Variants in UGT1A4 observed in about 807,000 individuals in gnomAD.
UGT1A4 encodes UDP glucuronosyltransferase family 1 member A4, also known as UDP-glucuronosyltransferase 1A4.
In UGT1A4, 32 loss-of-function variants were observed where a neutral mutation model predicts 41.1. That is an observed-to-expected ratio of 0.78 (90% confidence interval 0.59 to 1.05). The LOEUF is 1.05. Among genes scored for constraint, UGT1A4 ranks in the 50% least tolerant of loss-of-function variants. The probability of loss-of-function intolerance (pLI) is 0.00; values close to 1 mark genes in which losing one functional copy is unlikely to be tolerated. For missense variants in UGT1A4, 748 were observed against 677.4 expected, an observed-to-expected ratio of 1.10 and a Z score of -1.16; for synonymous variants, 283 against 265.1, an observed-to-expected ratio of 1.07 and a Z score of -0.66.
rs886183040 is a variant in UGT1A4, at chr2:233,769,751, A to C, written c.1307+1312A>C. 1.1e-5 allele frequency: 16 copies of C among 1,422,712 alleles called. No homozygotes were observed. Among genetic ancestry groups the C allele is most frequent in the Non-Finnish European group, 1.5e-5 (16 of 1,085,126 alleles). 88.1% of individuals were successfully genotyped at this position (1,422,712 alleles called of 1,614,324 possible). A position where few individuals can be genotyped will look rare whatever the true frequency, so the allele number is the denominator to read the frequency against. On this transcript the variant is annotated intron_variant, in intron 4 of 4. Transcript: ENST00000373409. This position sits in a 1 kb window ranked among gnomAD's most constrained non-coding sequence, Gnocchi z 4.4. Reference sequence around the variant, plus strand: ...ACGCCTGTAGTCCCAGCCACTCTGGAGGCTAAGGCGGGAGGATTGCTTGAG... The same window carrying C: ...ACGCCTGTAGTCCCAGCCACTCTGGCGGCTAAGGCGGGAGGATTGCTTGAG...
chr2:233,743,994 TG>T, intron 1 of UGT1A4: 1 of 1,253,164 alleles, frequency 8.0e-7, no homozygotes, highest in Non-Finnish European at 1.0e-6. Flanking sequence ...CAGGCCCGAG[TG>T]CTCGGAGACC....
intron 1 of UGT1A4, chr2:233,755,091 T>A (rs747522597): frequency 1.5e-6 from 2 of 1,335,830 alleles, no homozygotes; most frequent in African/African-American, 3.0e-5. Context: ...ATCGCGTTTC[T>A]ACGCGTCCGA....
At chr2:233,729,082 G>C (rs2077787378) in intron 1 of UGT1A4, 1 of 1,612,252 alleles carries the variant, frequency 6.2e-7, no homozygotes, top group Non-Finnish European at 8.5e-7. Context: ...AATGTAGCAG[G>C]CACAGCGTGG....
intron 1 of UGT1A4, among the ~76,000 whole-genome samples, chr2:233,761,384 C>T (rs564518186): frequency 1.3e-5 from 2 of 152,326 alleles, no homozygotes; most frequent in South Asian, 4.1e-4. Flanking sequence ...ACTCTGTGTG[C>T]TCCAGTGGAT....
chr2:233,751,748 T>C (rs1261704160), intron 1 of UGT1A4, among the ~76,000 whole-genome samples: 3 of 152,220 alleles, frequency 2.0e-5, no homozygotes, highest in African/African-American at 7.2e-5. Flanking sequence ...TCTCTCTTGC[T>C]TGCTGCCATG....
chr2:233,761,973 C>T (rs557947533), intron 1 of UGT1A4, among the ~76,000 whole-genome samples: 2 of 152,314 alleles, frequency 1.3e-5, no homozygotes, highest in East Asian at 3.9e-4. Flanking sequence ...ACTGATATCA[C>T]CTTCGGAGGT....
At chr2:233,763,211 A>C (rs985100909) in intron 1 of UGT1A4, among the ~76,000 whole-genome samples, 2 of 152,222 alleles carry the variant, frequency 1.3e-5, no homozygotes, top group Non-Finnish European at 2.9e-5. Context: ...AGTCAGGCTT[A>C]GGTGTGAAAA....
Position 233,718,911 on chromosome 2 carries a change from G to C in UGT1A4, c.91G>C (p.Val31Leu). Reference protein sequence around the residue: ...SVQPWAESGKVLVVPTDGSPW... With the variant: ...SVQPWAESGKLLVVPTDGSPW... ...CCAGCCCTGGGCTGAGAGTGGAAAG[G>C]TGTTGGTGGTGCCCACTGATGGCAG... Residue 31 changes from valine to leucine, a missense_variant, in exon 1 of 5, where the codon GTG (valine) becomes CTG (leucine). Val to Leu is a conservative substitution (Grantham distance 32). Coordinates refer to ENST00000373409, the MANE Select transcript of UGT1A4 (RefSeq NM_007120.3). 1.2e-6 allele frequency: 2 copies of C among 1,614,072 alleles called. No individual in the cohort carries two copies. Among genetic ancestry groups the C allele is most frequent in the Non-Finnish European group, 1.7e-6 (2 of 1,179,942 alleles).
rs568014834 is a variant in UGT1A4, at chr2:233,720,430, C to T, written c.867+743C>T. Among the ~76,000 whole-genome samples the T allele has an allele frequency of 5.5e-4, 84 of 151,958 alleles. 1 individual carries two copies. The highest frequency in any genetic ancestry group is 1.8e-3 in the African/African-American group (76 of 41,396). ...GAAGGGACTAGGGAGGAGATAAGAC[C>T]GTGAATCTATAAGCCCAGTGAAGCT... On this transcript the variant is annotated intron_variant, in intron 1 of 4. Coordinates refer to ENST00000373409, the MANE Select transcript of UGT1A4 (RefSeq NM_007120.3).
At chr2:233,729,519 A>G in intron 1 of UGT1A4, 1 of 1,614,214 alleles carries the variant, frequency 6.2e-7, no homozygotes, top group Middle Eastern at 1.6e-4. Context: ...GTGTGGAGCT[A>G]CTACATAATG....
Position 233,719,417 on chromosome 2 carries a change from G to A in UGT1A4, c.597G>A (p.Thr199=), listed in dbSNP as rs368434736. 5.5e-5 allele frequency: 88 copies of A among 1,613,876 alleles called. No homozygotes were observed. The highest frequency in any genetic ancestry group is 3.5e-4 in the South Asian group (32 of 91,066). ...CCTCCTATATTCCTAAGTTACTAAC[G>A]ACCAATTCAGACCACATGACATTCC... ...NPSSYIPKLL[T]TNSDHMTFLQ... The change falls in exon 1 of 5, where the codon ACG becomes ACA. Residue 199 remains threonine, a synonymous_variant. Coordinates refer to ENST00000373409, the MANE Select transcript of UGT1A4 (RefSeq NM_007120.3).
intron 1 of UGT1A4, chr2:233,753,518 C>T (rs1032528502): frequency 5.9e-5 from 9 of 152,196 alleles, no homozygotes; most frequent in Non-Finnish European, 1.0e-4. Flanking sequence ...AGTTGTTGCC[C>T]TTTTGCTCTC....
At chr2:233,760,433 A>G (rs771774728) in intron 1 of UGT1A4, 1 of 1,614,234 alleles carries the variant, frequency 6.2e-7, no homozygotes, top group Non-Finnish European at 8.5e-7. Context: ...GCCATCCAGC[A>G]GCTGCAGCAG....
intron 1 of UGT1A4, among the ~76,000 whole-genome samples, chr2:233,738,514 T>A (rs1690809776): frequency 6.6e-6 from 1 of 152,156 alleles, no homozygotes; most frequent in Admixed American, 6.5e-5. Context: ...ATGCTGATAA[T>A]GTTGTGGACA....
intron 1 of UGT1A4, chr2:233,743,508 C>T (rs750114193): frequency 5.1e-6 from 7 of 1,367,284 alleles, no homozygotes; most frequent in East Asian, 9.1e-5. Context: ...GGGGTGCAGA[C>T]GCTCTGCTTC....
In UGT1A4 at chr2:233,768,530, C is replaced by T. The variant is rs181512709; in HGVS notation, c.1307+91C>T. On this transcript the variant is annotated intron_variant, in intron 4 of 4. Transcript: ENST00000373409. ...AAAACATTTACGTAGCATTTAATAG[C>T]GTTGTTTCAAATATAAAAACAAATA... 249 of 1,496,408 alleles carry T rather than the reference C, an allele frequency of 1.7e-4. No homozygotes were observed. In the African/African-American group the frequency reaches 3.2e-3, roughly 19 times the overall value. The allele number at this position is 1,496,408 out of a possible 1,614,324, so 92.7% of individuals were successfully genotyped here. A position where few individuals can be genotyped will look rare whatever the true frequency, so the allele number is the denominator to read the frequency against.
At chr2:233,736,386 G>A (rs2078758058) in intron 1 of UGT1A4, among the ~76,000 whole-genome samples, 1 of 152,142 alleles carries the variant, frequency 6.6e-6, no homozygotes, top group South Asian at 2.1e-4. Context: ...CTTCTCTACA[G>A]TGTTTATTCT....
At chr2:233,743,105 G>C (rs1692204465) in intron 1 of UGT1A4, 2 of 354,440 alleles carry the variant, frequency 5.6e-6, no homozygotes, top group East Asian at 7.4e-5. Context: ...GGGTACAGCT[G>C]TTCTGAAAGT....
At chr2:233,759,555 T>TC (rs1410199038) in intron 1 of UGT1A4, among the ~76,000 whole-genome samples, 12 of 152,242 alleles carry the variant, frequency 7.9e-5, no homozygotes, top group Middle Eastern at 6.8e-3. Context: ...CCAGTGAATT[T>TC]CCCTTTCTGG....
Sources: gnomAD v4.1 joint callset for allele counts (sites outside exome capture counted in the v4.1 genomes callset) on GRCh38, gnomAD v4.1.1 for gene constraint, Gnocchi (gnomAD v3.1) non-coding constraint, MANE v1.5 for transcripts, NCBI Gene and HGNC (gene_info 2026-07-23, HGNC 2026-07-21) for gene names.